PLPPR5: variants seen among roughly 807,000 people sequenced by gnomAD.
PLPPR5 encodes phospholipid phosphatase-related protein type 5.
A neutral mutation model predicts 33.9 loss-of-function variants in PLPPR5; 16 were observed. That is an observed-to-expected ratio of 0.47 (90% CI 0.32 to 0.72). The LOEUF (loss-of-function observed/expected upper bound fraction) is 0.72. Among genes scored for constraint, PLPPR5 ranks in the 30% least tolerant of loss-of-function variants. The probability of loss-of-function intolerance (pLI) is 0.03; values close to 1 mark genes in which losing one functional copy is unlikely to be tolerated. For synonymous variants in PLPPR5, 163 were observed against 150.3 expected, an observed-to-expected ratio of 1.08 and a Z score of -0.62; for missense variants, 301 against 406.7, an observed-to-expected ratio of 0.74 and a Z score of 2.23.
intron 3 of PLPPR5, among the ~76,000 whole-genome samples, chr1:98,924,026 G>A (rs1649666077): frequency 6.6e-6 from 1 of 152,048 alleles, no homozygotes; most frequent in Non-Finnish European, 1.5e-5. Context: ...TCTTACTTTT[G>A]CATTTCTTTA....
chr1:98,955,736 A>T (rs1404136737), intron 2 of PLPPR5, among the ~76,000 whole-genome samples: 1 of 152,100 alleles, frequency 6.6e-6, no homozygotes, highest in Non-Finnish European at 1.5e-5. Flanking sequence ...AAATATGTGG[A>T]AGAGTTCCCT....
chr1:98,890,399 A>G lies in PLPPR5; in HGVS notation c.*2673T>C. ...ATAGATCCTGAGAAAAGAGAGGCCC[A>G]GTTAGAAGTGGAAAATACAAAGTCT... On this transcript the variant is annotated 3_prime_UTR_variant, in exon 6 of 6. Coordinates refer to ENST00000263177, the MANE Select transcript of PLPPR5 (RefSeq NM_001037317.2). 6.6e-6 allele frequency: 1 copy of G among 152,662 alleles called. No individual in the cohort carries two copies. Among genetic ancestry groups the G allele is most frequent in the Non-Finnish European group, 1.5e-5 (1 of 67,990 alleles). The allele number at this position is 152,662 out of a possible 1,614,324, so 9.5% of individuals were successfully genotyped here.
intron 3 of PLPPR5, among the ~76,000 whole-genome samples, chr1:98,926,014 C>T (rs929242443): frequency 2.6e-5 from 4 of 152,144 alleles, no homozygotes; most frequent in Non-Finnish European, 5.9e-5. Context: ...GAACCTTTTT[C>T]TTTCTCTTGT....
intron 2 of PLPPR5, among the ~76,000 whole-genome samples, chr1:98,954,321 AC>A (rs1382269022): frequency 1.3e-5 from 2 of 152,164 alleles, no homozygotes; most frequent in Non-Finnish European, 2.9e-5. Context: ...ATAAAATCCA[AC>A]AGGACCTTTT....
intron 1 of PLPPR5, among the ~76,000 whole-genome samples, chr1:99,003,056 C>CAT (rs59686592): frequency 0.17 from 13,466 of 80,564 alleles, 1,276 homozygotes; most frequent in East Asian, 0.21. Flanking sequence ...ACTTATTTTA[C>CAT]ATATATATAT....
intron 1 of PLPPR5, among the ~76,000 whole-genome samples, chr1:98,988,742 A>T (rs1302515021): frequency 6.6e-6 from 1 of 152,124 alleles, no homozygotes; most frequent in East Asian, 1.9e-4. Flanking sequence ...ATATTTGGAC[A>T]TATCATAATA....
intron 3 of PLPPR5, among the ~76,000 whole-genome samples, chr1:98,931,581 G>C (rs1392005249): frequency 6.6e-6 from 1 of 152,148 alleles, no homozygotes; most frequent in Non-Finnish European, 1.5e-5. Flanking sequence ...CCTTGGGGAG[G>C]AAGGCGGGGC....
chr1:98,939,844 C>T (rs1358223551), intron 3 of PLPPR5, among the ~76,000 whole-genome samples: 1 of 151,890 alleles, frequency 6.6e-6, no homozygotes, highest in Non-Finnish European at 1.5e-5. Context: ...TTCCCTGAGC[C>T]TCATTTTCGA....
At chr1:98,946,293 C>T (rs1296437440) in intron 3 of PLPPR5, among the ~76,000 whole-genome samples, 1 of 152,108 alleles carries the variant, frequency 6.6e-6, no homozygotes, top group Non-Finnish European at 1.5e-5. Context: ...TCTAGGTATT[C>T]AATATATATT....
At chr1:98,895,107 CAT>C (rs1277548726) in intron 5 of PLPPR5, among the ~76,000 whole-genome samples, 1 of 151,998 alleles carries the variant, frequency 6.6e-6, no homozygotes, top group African/African-American at 2.4e-5. Context: ...CTAAAATGCA[CAT>C]GTTGGAAACT....
intron 3 of PLPPR5, among the ~76,000 whole-genome samples, chr1:98,928,140 T>G (rs1649832012): frequency 6.6e-6 from 1 of 152,116 alleles, no homozygotes; most frequent in South Asian, 2.1e-4. Context: ...CTGTAGCCAT[T>G]AGCACTTGAA....
At chr1:98,930,128 A>T (rs1209985995) in intron 3 of PLPPR5, among the ~76,000 whole-genome samples, 3 of 152,212 alleles carry the variant, frequency 2.0e-5, no homozygotes, top group Non-Finnish European at 4.4e-5. Context: ...TGCACAAGAC[A>T]TTTGGGTGAA....
Position 98,959,094 on chromosome 1 carries a change from A to C in PLPPR5, c.238-2353T>G, listed in dbSNP as rs142031325. On this transcript the variant is annotated intron_variant, in intron 1 of 5. Transcript: ENST00000263177. ...GATCAGAATGTCCTAGTCTGCTATT[A>C]ATCTTTTGCCTGACTTCTAAAAACC... Among the ~76,000 whole-genome samples the C allele has an allele frequency of 2.0e-5, 3 of 152,350 alleles. No individual in the cohort carries two copies. The East Asian group carries it at 5.8e-4, about 29-fold the overall frequency.
intron 3 of PLPPR5, among the ~76,000 whole-genome samples, chr1:98,924,169 T>C (rs560130397): frequency 1.5e-4 from 23 of 152,364 alleles, no homozygotes; most frequent in African/African-American, 5.5e-4. Flanking sequence ...ACGGCAATGT[T>C]CTAAGCATTT....
chr1:98,958,494 A>G (rs1651104943), intron 1 of PLPPR5, among the ~76,000 whole-genome samples: 2 of 151,896 alleles, frequency 1.3e-5, no homozygotes, highest in Non-Finnish European at 2.9e-5. Context: ...AGTCTTGCCT[A>G]TTTGGTGAGA....
intron 5 of PLPPR5, among the ~76,000 whole-genome samples, chr1:98,901,909 G>A (rs921232263): frequency 6.6e-6 from 1 of 151,986 alleles, no homozygotes; most frequent in Non-Finnish European, 1.5e-5. Flanking sequence ...ATAATGGTTA[G>A]AGAATTTATA....
At chr1:98,908,452 A>C (rs559310540) in intron 5 of PLPPR5, among the ~76,000 whole-genome samples, 1 of 152,356 alleles carries the variant, frequency 6.6e-6, no homozygotes. Context: ...AGAAAGAGTC[A>C]GAAATTTGTT....
At position 98,911,873 on chromosome 1, in the gene PLPPR5, T is replaced by C. The variant is rs551348944; in HGVS notation, c.933+2913A>G. On this transcript the variant is annotated intron_variant, in intron 5 of 5. Coordinates refer to ENST00000263177, the MANE Select transcript of PLPPR5 (RefSeq NM_001037317.2). The stretch of plus-strand genomic sequence containing the variant: ...CTCCTGGGCTCAAGCAATCCTCCTA[T>C]CTCAGCCTCCTGAGTCTCTAGTACT... Among the ~76,000 whole-genome samples the C allele has an allele frequency of 7.9e-5, 12 of 152,088 alleles. 1 individual carries two copies. In the East Asian group the frequency reaches 2.3e-3, roughly 29 times the overall value.
chr1:98,969,785 T>C (rs1002422712), intron 1 of PLPPR5, among the ~76,000 whole-genome samples: 1 of 151,956 alleles, frequency 6.6e-6, no homozygotes, highest in African/African-American at 2.4e-5. Context: ...TGTTGTCATA[T>C]GGTTGAGATG....
Sources: allele counts gnomAD v4.1 joint callset (sites outside exome capture counted in the v4.1 genomes callset), GRCh38; gene constraint gnomAD v4.1.1; transcripts MANE v1.5; gene names NCBI Gene and HGNC (gene_info 2026-07-23, HGNC 2026-07-21).